The following CSRP1 variants were observed in gnomAD, a reference collection of about 807,000 sequenced individuals.
CSRP1 encodes the protein cysteine and glycine rich protein 1.
A neutral mutation model predicts 25.4 loss-of-function variants in CSRP1; 16 were observed. The ratio of observed to expected loss-of-function variants is 0.63; its 90% CI spans 0.43 to 0.96. CSRP1 has a LOEUF of 0.96. Among genes scored for constraint, CSRP1 ranks in the 40% least tolerant of loss-of-function variants. CSRP1 has a pLI of 0.00. For synonymous variants in CSRP1, 97 were observed against 95.3 expected (o/e 1.02, Z -0.10); for missense variants, 212 against 243.6 (o/e 0.87, Z 0.86).
At chr1:201,492,989 A>G (rs752021414) in intron 2 of CSRP1, 8 of 152,406 alleles carry the variant, frequency 5.2e-5, no homozygotes, top group Non-Finnish European at 1.0e-4. Context: ...GCCCTGTTCC[A>G]TCGGCCACCA....
At chr1:201,501,936 G>A (rs1449576096) in intron 1 of CSRP1, among the ~76,000 whole-genome samples, 1 of 151,942 alleles carries the variant, frequency 6.6e-6, no homozygotes, top group African/African-American at 2.4e-5. Context: ...AGGTTGCAGT[G>A]AGCAGCGATC....
At chr1:201,502,050 G>A (rs997668335) in intron 1 of CSRP1, among the ~76,000 whole-genome samples, 1 of 151,914 alleles carries the variant, frequency 6.6e-6, no homozygotes. Context: ...CAGGTGACAG[G>A]TTGAAGGAAC....
chr1:201,497,984 C>T (rs569700233), intron 1 of CSRP1, among the ~76,000 whole-genome samples: 8 of 151,098 alleles, frequency 5.3e-5, no homozygotes, highest in Admixed American at 1.3e-4. Context: ...CATTCCAGCC[C>T]GGACGACAGA....
At chr1:201,491,652 C>T (rs576340244) in intron 2 of CSRP1, 1 of 152,326 alleles carries the variant, frequency 6.6e-6, no homozygotes, top group South Asian at 2.1e-4. Context: ...CTAACTTTCA[C>T]ATACTCCTCT....
At chr1:201,494,553 G>GCCCGGCTGAGCAGGATGTGGGGC (rs1234270903) in intron 2 of CSRP1, among the ~76,000 whole-genome samples, 1 of 152,222 alleles carries the variant, frequency 6.6e-6, no homozygotes, top group Non-Finnish European at 1.5e-5. Flanking sequence ...GTCACTCCAG[G>GCCCGGCTGAGCAGGATGTGGGGC]CCCGGCTGAG....
chr1:201,493,837 AC>A (rs1268726624), intron 2 of CSRP1, among the ~76,000 whole-genome samples: 1 of 152,196 alleles, frequency 6.6e-6, no homozygotes, highest in Non-Finnish European at 1.5e-5. Context: ...AACACTTATC[AC>A]CCACTTCACT....
chr1:201,490,228 C>T lies in CSRP1; in HGVS notation c.229G>A (p.Ala77Thr), dbSNP rs540513047. 3.0e-5 allele frequency: 48 copies of T among 1,614,174 alleles called. No individual in the cohort carries two copies. The South Asian group carries it at 3.5e-4, about 12-fold the overall frequency. ...GPKGYGYGQGAGTLSTDKGES... is the reference protein window; with the variant it reads ...GPKGYGYGQGTGTLSTDKGES... ...CCCTTGTCAGTGCTGAGGGTGCCTG[C>T]GCCCTGCCCGTAGCCATAGCCTTTG... The change falls in exon 3 of 6, where the codon GCA (alanine) becomes ACA (threonine). Residue 77 changes from alanine to threonine, a missense_variant. By Grantham distance (58) the Ala-to-Thr change is moderately conservative (BLOSUM62 0). Coordinates refer to ENST00000340006, the MANE Select transcript of CSRP1 (RefSeq NM_004078.3).
At chr1:201,486,923 C>CA (rs1469385512) in intron 4 of CSRP1, 19 of 1,264,896 alleles carry the variant, frequency 1.5e-5, no homozygotes, top group Non-Finnish European at 1.8e-5. Flanking sequence ...TGAGATAGAA[C>CA]AAAAAACCCA....
Position 201,484,112 on chromosome 1 carries a change from CA to C in CSRP1, c.*600del, listed in dbSNP as rs1664056816. 12 of 667,852 alleles carry C rather than the reference CA, an allele frequency of 1.8e-5. No homozygotes were observed. The East Asian group carries it at 3.3e-4, about 18-fold the overall frequency. The allele number at this position is 667,852 out of a possible 1,614,324, so 41.4% of individuals were successfully genotyped here. A position where few individuals can be genotyped will look rare whatever the true frequency, so the allele number is the denominator to read the frequency against. ...TCCTAGTGGGAGGCTATCCATTCCA[CA>C]AAGACTCAAAGGCAAGAGGCCTGGA... is the stretch of plus-strand genomic sequence containing the variant. On this transcript the variant is annotated 3_prime_UTR_variant, in exon 6 of 6. Transcript: ENST00000340006.
Position 201,483,879 on chromosome 1 carries a change from G to A in CSRP1, c.*834C>T. 2 of 617,062 alleles carry A rather than the reference G, an allele frequency of 3.2e-6. No homozygotes were observed. Among genetic ancestry groups the A allele is most frequent in the Non-Finnish European group, 6.0e-6 (2 of 330,770 alleles). 38.2% of individuals were successfully genotyped at this position (617,062 alleles called of 1,614,324 possible). On this transcript the variant is annotated 3_prime_UTR_variant, in exon 6 of 6. Coordinates refer to ENST00000340006, the MANE Select transcript of CSRP1 (RefSeq NM_004078.3). ...GGATCAAGCAGGTGTGGCAAGAACA[G>A]AGCCCTGGCCTGGGCTCTGCTGGCC... is the stretch of plus-strand genomic sequence containing the variant.
intron 1 of CSRP1, among the ~76,000 whole-genome samples, chr1:201,498,913 C>T (rs1464350671): frequency 6.6e-6 from 1 of 152,150 alleles, no homozygotes; most frequent in Non-Finnish European, 1.5e-5. Context: ...TAGACCATGC[C>T]TGCTGCATAA....
chr1:201,498,534 G>A (rs1664577357), intron 1 of CSRP1, among the ~76,000 whole-genome samples: 1 of 152,212 alleles, frequency 6.6e-6, no homozygotes, highest in South Asian at 2.1e-4. Flanking sequence ...CTGGTAACAG[G>A]GCTTGCACCA....
rs781586806 is a variant in CSRP1, at chr1:201,484,245, C to T, written c.*468G>A. Reference sequence around the variant, plus strand: ...CTCTGAGGGACACCAGGAAGCTCAACCTCTTTCCCACAGAGGAGAATCTCT... The same window carrying T: ...CTCTGAGGGACACCAGGAAGCTCAATCTCTTTCCCACAGAGGAGAATCTCT... On this transcript the variant is annotated 3_prime_UTR_variant, in exon 6 of 6. Coordinates refer to ENST00000340006, the MANE Select transcript of CSRP1 (RefSeq NM_004078.3). 7 of 509,912 alleles carry T rather than the reference C, an allele frequency of 1.4e-5. No individual in the cohort carries two copies. Among genetic ancestry groups the T allele is most frequent in the East Asian group, 2.8e-5 (1 of 35,470 alleles). 31.6% of individuals were successfully genotyped at this position (509,912 alleles called of 1,614,324 possible). A position where few individuals can be genotyped will look rare whatever the true frequency, so the allele number is the denominator to read the frequency against.
chr1:201,490,621 T>G, intron 2 of CSRP1: 5 of 336,300 alleles, frequency 1.5e-5, no homozygotes, highest in East Asian at 5.8e-5. Flanking sequence ...ACCCCTAAAC[T>G]TCCTCAGGCT....
chr1:201,499,262 C>T (rs1242590276), intron 1 of CSRP1, among the ~76,000 whole-genome samples: 2 of 152,208 alleles, frequency 1.3e-5, no homozygotes, highest in Non-Finnish European at 2.9e-5. Context: ...GCCATTTCCC[C>T]CTTCTTCCTT....
At chr1:201,485,489 G>C in intron 4 of CSRP1, 113 bp from the exon 5 acceptor site, 1 of 916,712 alleles carries the variant, frequency 1.1e-6, no homozygotes, top group Non-Finnish European at 1.8e-6. Context: ...CACTTCTGAA[G>C]TCTACTCAGC....
intron 1 of CSRP1, among the ~76,000 whole-genome samples, chr1:201,505,845 A>C (rs1048585169): frequency 3.3e-5 from 5 of 152,202 alleles, no homozygotes; most frequent in African/African-American, 1.2e-4. Context: ...CCCATCCCCA[A>C]ATCCCACCTG....
intron 1 of CSRP1, among the ~76,000 whole-genome samples, chr1:201,498,042 C>T (rs1458800431): frequency 6.6e-6 from 1 of 151,924 alleles, no homozygotes; most frequent in Admixed American, 6.6e-5. Flanking sequence ...AGCGACTTCA[C>T]CGAGTATGTC....
At chr1:201,504,242 A>G (rs1664748482) in intron 1 of CSRP1, among the ~76,000 whole-genome samples, 1 of 152,168 alleles carries the variant, frequency 6.6e-6, no homozygotes, top group South Asian at 2.1e-4. Flanking sequence ...GTTTCTTACT[A>G]CCTCTGAGCC....
Sources: gnomAD v4.1 joint callset for allele counts (sites outside exome capture counted in the v4.1 genomes callset) on GRCh38, gnomAD v4.1.1 for gene constraint, MANE v1.5 for transcripts, NCBI Gene and HGNC (gene_info 2026-07-23, HGNC 2026-07-21) for gene names.